RFX7: variants seen among roughly 807,000 people sequenced by gnomAD.
The protein encoded by RFX7 is regulatory factor X7.
In RFX7, 26 loss-of-function variants were observed where a neutral mutation model predicts 111.8. That is an observed-to-expected ratio of 0.23 (90% CI 0.17 to 0.32). RFX7 has a LOEUF of 0.32. Ranked by LOEUF, RFX7 falls within the 10% of genes least tolerant of loss-of-function variation. The pLI is 1.00. For synonymous variants in RFX7, 624 were observed against 624.4 expected (o/e 1.00, Z 0.01); for missense variants, 1,573 against 1,772.9 (o/e 0.89, Z 2.02).
intron 3 of RFX7, among the ~76,000 whole-genome samples, chr15:56,146,496 A>C (rs1265885181): frequency 1.3e-5 from 2 of 152,184 alleles, no homozygotes; most frequent in African/African-American, 2.4e-5. Context: ...CATGTCTGAG[A>C]AAGTGTAATA....
chr15:56,203,136 T>C (rs146987504), intron 2 of RFX7, among the ~76,000 whole-genome samples: 67 of 152,288 alleles, frequency 4.4e-4, no homozygotes, highest in African/African-American at 1.5e-3. Flanking sequence ...TAAGGGATTA[T>C]AATAGAACAT....
At chr15:56,243,062 C>CCCCCCCCTTT in intron 2 of RFX7, 63 bp downstream of exon 2, 3 of 1,049,048 alleles carry the variant, frequency 2.9e-6, no homozygotes, top group Non-Finnish European at 2.7e-6. Flanking sequence ...CGCCGCCCCC[C>CCCCCCCCTTT]ACCCACTTTG....
rs1410562105 is a variant in RFX7 at position 56,087,964 on chromosome 15, T to C, written c.*5381A>G. ...AAAACAAAATTTTGTTTTTAAATCT[T>C]CATTCTCCTAATACATCAGGGTATT... On this transcript the variant is annotated 3_prime_UTR_variant, in exon 10 of 10. Transcript: ENST00000559447. The C allele has an allele frequency of 2.8e-6, 1 of 362,474 alleles. No individual in the cohort carries two copies. The highest frequency in any genetic ancestry group is 5.4e-6 in the Non-Finnish European group (1 of 186,408). 22.5% of individuals were successfully genotyped at this position (362,474 alleles called of 1,614,324 possible).
At chr15:56,168,333 T>C (rs1440063872) in intron 3 of RFX7, among the ~76,000 whole-genome samples, 1 of 152,238 alleles carries the variant, frequency 6.6e-6, no homozygotes, top group Non-Finnish European at 1.5e-5. Flanking sequence ...GCATATTTAC[T>C]TACTTTTTGA....
rs1164784501 is a variant in RFX7, at chr15:56,111,199, A to C, written c.402-7529T>G. ...AGGATGACAATGGCGGTTTTGTGGA[A>C]TAGAAAGGGGGGAAAGGTGGGGAAA... On this transcript the variant is annotated intron_variant, in intron 5 of 9. Coordinates refer to ENST00000559447, the MANE Select transcript of RFX7 (RefSeq NM_022841.7). Among the ~76,000 whole-genome samples the C allele has an allele frequency of 2.8e-3, 405 of 144,626 alleles. 7 individuals carry two copies. The East Asian group carries it at 0.057, about 20-fold the overall frequency. 94.9% of individuals were successfully genotyped at this position (144,626 alleles called of 152,430 possible).
At chr15:56,194,208 A>C (rs1367388459) in intron 2 of RFX7, among the ~76,000 whole-genome samples, 1 of 152,138 alleles carries the variant, frequency 6.6e-6, no homozygotes, top group South Asian at 2.1e-4. Flanking sequence ...CTCTATCCAA[A>C]AGTTCAATGC....
At chr15:56,186,105 T>G (rs2141150299) in intron 2 of RFX7, among the ~76,000 whole-genome samples, 1 of 152,300 alleles carries the variant, frequency 6.6e-6, no homozygotes, top group Middle Eastern at 3.4e-3. Context: ...AAAACAGGCT[T>G]AAGGCTCTGG....
intron 5 of RFX7, among the ~76,000 whole-genome samples, chr15:56,133,361 C>T (rs1193193002): frequency 6.6e-6 from 1 of 151,914 alleles, no homozygotes; most frequent in African/African-American, 2.4e-5. Flanking sequence ...TTTTTTTCCT[C>T]AAAGGGATTT....
At chr15:56,233,078 C>T (rs1332687017) in intron 2 of RFX7, among the ~76,000 whole-genome samples, 2 of 152,170 alleles carry the variant, frequency 1.3e-5, no homozygotes, top group East Asian at 1.9e-4. Context: ...CCCACTCTAC[C>T]AGTACCAATT....
At chr15:56,145,918 A>G (rs2042461392) in intron 3 of RFX7, among the ~76,000 whole-genome samples, 1 of 152,254 alleles carries the variant, frequency 6.6e-6, no homozygotes, top group African/African-American at 2.4e-5. Flanking sequence ...TATACTATGT[A>G]TCACAAATCA....
At chr15:56,224,352 C>T (rs1470870634) in intron 2 of RFX7, among the ~76,000 whole-genome samples, 7 of 151,920 alleles carry the variant, frequency 4.6e-5, no homozygotes, top group African/African-American at 1.7e-4. Flanking sequence ...CTAAAAAACA[C>T]ATTAAAAAGA....
At chr15:56,237,262 C>T (rs1321147174) in intron 2 of RFX7, among the ~76,000 whole-genome samples, 1 of 152,026 alleles carries the variant, frequency 6.6e-6, no homozygotes, top group Non-Finnish European at 1.5e-5. Context: ...TTTCCTGGTC[C>T]CCTAACTGAA....
intron 2 of RFX7, among the ~76,000 whole-genome samples, chr15:56,203,125 G>C (rs1300171806): frequency 5.3e-5 from 8 of 152,182 alleles, no homozygotes; most frequent in Non-Finnish European, 1.2e-4. Context: ...ATTACAGTCA[G>C]TAAGGGATTA....
chr15:56,237,662 A>T (rs1370112750), intron 2 of RFX7, among the ~76,000 whole-genome samples: 1 of 152,212 alleles, frequency 6.6e-6, no homozygotes, highest in East Asian at 1.9e-4. Flanking sequence ...CATTCAAGAC[A>T]CCTTTCAATG....
At position 56,093,322 on chromosome 15, in the gene RFX7, T is replaced by C; in HGVS notation, c.*23A>G. ...AATACATATGTCTTTAGATACAGTG[T>C]GCTACATGTTATAAAACACAATTTA... On this transcript the variant is annotated 3_prime_UTR_variant, in exon 10 of 10. Transcript: ENST00000559447. 1 of 1,572,328 alleles carries C rather than the reference T, an allele frequency of 6.4e-7. No homozygotes were observed. Among genetic ancestry groups the C allele is most frequent in the Non-Finnish European group, 8.6e-7 (1 of 1,157,662 alleles).
rs2041599339 is a variant in RFX7, at chr15:56,091,781, G to C, written c.*1564C>G. The C allele has an allele frequency of 6.6e-6, 1 of 152,444 alleles. No homozygotes were observed. Among genetic ancestry groups the C allele is most frequent in the Admixed American group, 6.6e-5 (1 of 15,258 alleles). 9.4% of individuals were successfully genotyped at this position (152,444 alleles called of 1,614,324 possible). A position where few individuals can be genotyped will look rare whatever the true frequency, so the allele number is the denominator to read the frequency against. ...TATATAAACCTCTGCGCCAACTCTA[G>C]CACCATTTATTTATCAAAATATGTT... On this transcript the variant is annotated 3_prime_UTR_variant, in exon 10 of 10. Coordinates refer to ENST00000559447, the MANE Select transcript of RFX7 (RefSeq NM_022841.7).
intron 2 of RFX7, among the ~76,000 whole-genome samples, chr15:56,201,285 G>A (rs560473524): frequency 8.5e-5 from 13 of 152,138 alleles, no homozygotes; most frequent in Non-Finnish European, 1.2e-4. Context: ...TCAATGTCCT[G>A]TAGTCCTCCA....
chr15:56,159,772 A>G (rs2141079817), intron 3 of RFX7, among the ~76,000 whole-genome samples: 1 of 152,272 alleles, frequency 6.6e-6, no homozygotes, highest in African/African-American at 2.4e-5. Flanking sequence ...TACCAGATGG[A>G]CTACAGAGAA....
intron 2 of RFX7, among the ~76,000 whole-genome samples, chr15:56,225,511 A>C (rs146674967): frequency 6.6e-6 from 1 of 152,320 alleles, no homozygotes; most frequent in African/African-American, 2.4e-5. Context: ...TTAAAGCAAG[A>C]CATAAATCGT....
Sources: gnomAD v4.1 joint callset for allele counts (sites outside exome capture counted in the v4.1 genomes callset) on GRCh38, gnomAD v4.1.1 for gene constraint, MANE v1.5 for transcripts, NCBI Gene and HGNC (gene_info 2026-07-23, HGNC 2026-07-21) for gene names.